The following ZNF521 variants were observed in gnomAD, a reference collection of about 807,000 sequenced individuals.
ZNF521 encodes LYST-interacting protein 3.
A neutral mutation model predicts 105.5 loss-of-function variants in ZNF521; 14 were observed. The observed-to-expected ratio is 0.13, with a 90% CI of 0.09 to 0.21. ZNF521 has a LOEUF of 0.21. Ranked by LOEUF, ZNF521 falls within the 10% of genes least tolerant of loss-of-function variation. ZNF521 has a pLI of 1.00. For synonymous variants in ZNF521, 635 were observed against 606.0 expected, an observed-to-expected ratio of 1.05 and a Z score of -0.70; for missense variants, 1,233 against 1,629.7, an observed-to-expected ratio of 0.76 and a Z score of 4.19.
At chr18:25,204,083 G>A (rs1319658891) in intron 4 of ZNF521, among the ~76,000 whole-genome samples, 5 of 152,184 alleles carry the variant, frequency 3.3e-5, no homozygotes, top group East Asian at 1.9e-4. Flanking sequence ...TAAAAGCTCC[G>A]TGAGACTTCC....
At chr18:25,249,147 C>CTT (rs747508227) in intron 3 of ZNF521, among the ~76,000 whole-genome samples, 2 of 144,094 alleles carry the variant, frequency 1.4e-5, no homozygotes, top group African/African-American at 5.1e-5. Flanking sequence ...TCTTTACTTT[C>CTT]TTTTTTTTTT....
chr18:25,138,952 T>A (rs1255406515), intron 5 of ZNF521, among the ~76,000 whole-genome samples: 1 of 152,066 alleles, frequency 6.6e-6, no homozygotes, highest in Non-Finnish European at 1.5e-5. Flanking sequence ...TACAAGATGG[T>A]TGGGTTTTAG....
chr18:25,236,404 C>T (rs560942999), intron 3 of ZNF521, among the ~76,000 whole-genome samples: 5 of 152,132 alleles, frequency 3.3e-5, no homozygotes, highest in Admixed American at 6.5e-5. Context: ...GGCGTGGTGG[C>T]ATGCGTCTGT....
At chr18:25,191,213 T>C (rs2035812049) in intron 5 of ZNF521, among the ~76,000 whole-genome samples, 1 of 152,204 alleles carries the variant, frequency 6.6e-6, no homozygotes, top group African/African-American at 2.4e-5. Flanking sequence ...AGTAACCATT[T>C]CTAAGTATAT....
chr18:25,306,190 T>C (rs1007278632), intron 3 of ZNF521, among the ~76,000 whole-genome samples: 1 of 152,226 alleles, frequency 6.6e-6, no homozygotes, highest in Non-Finnish European at 1.5e-5. Context: ...TTTAGAAGAT[T>C]GGTAAGAATT....
chr18:25,084,333 G>T (rs1339626186), intron 7 of ZNF521, among the ~76,000 whole-genome samples: 2 of 150,580 alleles, frequency 1.3e-5, no homozygotes, highest in Admixed American at 6.6e-5. Context: ...TGTCTTATAC[G>T]TCCCATCCCA....
intron 3 of ZNF521, among the ~76,000 whole-genome samples, chr18:25,271,170 A>T (rs1465052045): frequency 6.6e-6 from 1 of 152,206 alleles, no homozygotes; most frequent in African/African-American, 2.4e-5. Context: ...TCTCATTCAC[A>T]ATTGCTACAA....
chr18:25,305,007 A>C (rs900270045), intron 3 of ZNF521, among the ~76,000 whole-genome samples: 1 of 152,206 alleles, frequency 6.6e-6, no homozygotes, highest in Non-Finnish European at 1.5e-5. Flanking sequence ...CACATATACT[A>C]TAAGTATGTT....
In ZNF521 at chr18:25,343,733, AT is replaced by A. The variant is rs112032650; in HGVS notation, c.40+7173del. Among the ~76,000 whole-genome samples the A allele has an allele frequency of 8.7e-3, 1,325 of 152,064 alleles. 14 individuals are homozygous for A. The highest frequency in any genetic ancestry group is 0.031 in the African/African-American group (1,269 of 41,484). Reference sequence around the variant, plus strand: ...ACACATAAAAATGACAGGCATACACATTTTTTTTCTTTTCAGGATTTTTCAA... The same window carrying A: ...ACACATAAAAATGACAGGCATACACATTTTTTTCTTTTCAGGATTTTTCAA... On this transcript the variant is annotated intron_variant, in intron 2 of 7. Transcript: ENST00000361524.
intron 3 of ZNF521, among the ~76,000 whole-genome samples, chr18:25,256,271 G>A (rs777891787): frequency 5.3e-5 from 8 of 151,764 alleles, no homozygotes; most frequent in South Asian, 2.1e-4. Context: ...ACGGAGATGC[G>A]GAATTGTTTA....
intron 5 of ZNF521, among the ~76,000 whole-genome samples, chr18:25,145,946 G>A (rs1327972799): frequency 1.3e-5 from 2 of 152,118 alleles, no homozygotes; most frequent in African/African-American, 4.8e-5. Context: ...TGACAACATG[G>A]GAAACCTTTA....
intron 4 of ZNF521, among the ~76,000 whole-genome samples, chr18:25,204,274 T>C (rs912887316): frequency 2.0e-4 from 31 of 152,222 alleles, no homozygotes; most frequent in African/African-American, 7.2e-4. Flanking sequence ...ACTACATTTA[T>C]AATTGAGTAA....
intron 2 of ZNF521, among the ~76,000 whole-genome samples, chr18:25,348,166 TTAC>T (rs1914543910): frequency 6.6e-6 from 1 of 152,168 alleles, no homozygotes; most frequent in African/African-American, 2.4e-5. Context: ...TCACTGCATA[TTAC>T]TACTAATATG....
intron 4 of ZNF521, among the ~76,000 whole-genome samples, chr18:25,196,199 A>G (rs976045219): frequency 2.0e-5 from 3 of 151,778 alleles, no homozygotes; most frequent in African/African-American, 7.2e-5. Context: ...GACAAAATAA[A>G]CCATTATGAA....
At chr18:25,264,937 G>C (rs1909146957) in intron 3 of ZNF521, among the ~76,000 whole-genome samples, 1 of 151,950 alleles carries the variant, frequency 6.6e-6, no homozygotes, top group East Asian at 1.9e-4. Flanking sequence ...AGAAAAGGAA[G>C]GAAAAAGTCT....
intron 7 of ZNF521, among the ~76,000 whole-genome samples, chr18:25,087,969 C>T (rs2033659318): frequency 6.6e-6 from 1 of 152,104 alleles, no homozygotes; most frequent in African/African-American, 2.4e-5. Context: ...TGACACATAA[C>T]TCACATAAAT....
At chr18:25,131,833 C>A (rs2034646968) in intron 5 of ZNF521, among the ~76,000 whole-genome samples, 1 of 152,146 alleles carries the variant, frequency 6.6e-6, no homozygotes, top group Non-Finnish European at 1.5e-5. Flanking sequence ...TGATTATACA[C>A]CAGAGGATTA....
At chr18:25,186,237 C>A (rs1181792312) in intron 5 of ZNF521, among the ~76,000 whole-genome samples, 2 of 152,170 alleles carry the variant, frequency 1.3e-5, no homozygotes, top group South Asian at 4.1e-4. Flanking sequence ...GCATTACTCT[C>A]AAGTTTCTGG....
intron 5 of ZNF521, among the ~76,000 whole-genome samples, chr18:25,141,144 G>A (rs1204844881): frequency 2.0e-5 from 3 of 152,180 alleles, no homozygotes; most frequent in Non-Finnish European, 4.4e-5. Context: ...GGTTCCAGCT[G>A]TTGGTGACCA....
Sources: allele counts gnomAD v4.1 joint callset (sites outside exome capture counted in the v4.1 genomes callset), GRCh38; gene constraint gnomAD v4.1.1; transcripts MANE v1.5; gene names NCBI Gene and HGNC (gene_info 2026-07-23, HGNC 2026-07-21).